The following SAMD5 variants were observed in gnomAD, a reference collection of about 807,000 sequenced individuals.
SAMD5 encodes sterile alpha motif domain-containing protein 5.
In SAMD5, 13 loss-of-function variants were observed where a neutral mutation model predicts 11.3. The observed-to-expected ratio is 1.15, with a 90% CI of 0.75 to 1.83. The LOEUF is 1.83. Among genes scored for constraint, SAMD5 ranks in the 40% most tolerant of loss-of-function variants. The pLI, the probability that SAMD5 is intolerant of heterozygous loss-of-function variation, is 0.00. For missense variants in SAMD5, 255 were observed against 239.1 expected, an observed-to-expected ratio of 1.07 and a Z score of -0.44; for synonymous variants, 129 against 111.3, an observed-to-expected ratio of 1.16 and a Z score of -1.00.
intron 1 of SAMD5, among the ~76,000 whole-genome samples, chr6:147,677,016 T>C (rs1171563615): frequency 4.0e-5 from 6 of 151,816 alleles, no homozygotes; most frequent in African/African-American, 1.5e-4. Context: ...ATTTTCTTTC[T>C]TAAAGAAAGA....
chr6:147,589,936 A>G (rs1487638912), intron 1 of SAMD5, among the ~76,000 whole-genome samples: 1 of 152,166 alleles, frequency 6.6e-6, no homozygotes, highest in African/African-American at 2.4e-5. Flanking sequence ...TATTCTAAAT[A>G]TGTGCATACA....
intron 1 of SAMD5, among the ~76,000 whole-genome samples, chr6:147,659,395 C>G (rs902144352): frequency 6.6e-6 from 1 of 151,852 alleles, no homozygotes; most frequent in African/African-American, 2.4e-5. Flanking sequence ...CAAGATTCCT[C>G]AAAAGAATAT....
chr6:147,627,733 C>G (rs937101155), intron 1 of SAMD5, among the ~76,000 whole-genome samples: 1 of 152,090 alleles, frequency 6.6e-6, no homozygotes, highest in Admixed American at 6.6e-5. Context: ...AGTAAATCTG[C>G]AGTGAAAATT....
intron 1 of SAMD5, among the ~76,000 whole-genome samples, chr6:147,533,462 C>CA (rs57455955): frequency 0.19 from 16,957 of 89,180 alleles, 1,340 homozygotes; most frequent in East Asian, 0.31. Context: ...AATTCCATCT[C>CA]AAAAAAAAAA....
intron 1 of SAMD5, among the ~76,000 whole-genome samples, chr6:147,540,036 C>T (rs1788574796): frequency 6.6e-6 from 1 of 152,124 alleles, no homozygotes; most frequent in African/African-American, 2.4e-5. Context: ...TATAACTTAA[C>T]CATGGACACA....
chr6:147,861,342 C>CT, the SAMD5 span, among the ~76,000 whole-genome samples: 3 of 151,684 alleles, frequency 2.0e-5, no homozygotes, highest in African/African-American at 7.2e-5. Flanking sequence ...TTTTTTGTAT[C>CT]TTTGCTAGAG....
the SAMD5 span, among the ~76,000 whole-genome samples, chr6:147,918,799 G>C: frequency 6.8e-6 from 1 of 147,898 alleles, no homozygotes; most frequent in Admixed American, 7.0e-5. Flanking sequence ...CTGGGTTCAA[G>C]CAGTTCTCCT....
the SAMD5 span, among the ~76,000 whole-genome samples, chr6:147,944,937 A>G: frequency 6.6e-6 from 1 of 152,138 alleles, no homozygotes; most frequent in Non-Finnish European, 1.5e-5. Flanking sequence ...ATCTTCACAT[A>G]GATTTCTCCC....
the SAMD5 span, among the ~76,000 whole-genome samples, chr6:147,754,846 C>A: frequency 6.6e-6 from 1 of 151,866 alleles, no homozygotes; most frequent in Non-Finnish European, 1.5e-5. Flanking sequence ...GTCCTGGACA[C>A]CTTTATAAAA....
the SAMD5 span, among the ~76,000 whole-genome samples, chr6:147,844,708 A>G: frequency 6.6e-6 from 1 of 152,244 alleles, no homozygotes; most frequent in East Asian, 1.9e-4. Flanking sequence ...TTGTGGCAAC[A>G]TGGATGAGCC....
At chr6:147,910,625 C>A in the SAMD5 span, among the ~76,000 whole-genome samples, 1 of 152,072 alleles carries the variant, frequency 6.6e-6, no homozygotes, top group Non-Finnish European at 1.5e-5. Flanking sequence ...CATATGTGTC[C>A]AGGCTGCGAA....
intron 1 of SAMD5, among the ~76,000 whole-genome samples, chr6:147,592,052 C>T (rs1378323063): frequency 6.6e-6 from 1 of 152,150 alleles, no homozygotes; most frequent in African/African-American, 2.4e-5. Flanking sequence ...GAGGCCCTGA[C>T]ATGCCTCATC....
At chr6:147,644,828 C>T (rs1274846113) in intron 1 of SAMD5, among the ~76,000 whole-genome samples, 3 of 152,152 alleles carry the variant, frequency 2.0e-5, no homozygotes, top group Non-Finnish European at 4.4e-5. Context: ...TCCAAATCAT[C>T]ACAAGAGACA....
chr6:147,716,167 G>A (rs1791463866), intron 1 of SAMD5, among the ~76,000 whole-genome samples: 1 of 152,198 alleles, frequency 6.6e-6, no homozygotes, highest in African/African-American at 2.4e-5. Flanking sequence ...GCCAGCATGG[G>A]TTGCCCTTAG....
intron 1 of SAMD5, among the ~76,000 whole-genome samples, chr6:147,588,701 T>C (rs1441655428): frequency 6.6e-6 from 1 of 152,086 alleles, no homozygotes; most frequent in Non-Finnish European, 1.5e-5. Flanking sequence ...AATTTTGAAA[T>C]AGCTTTTGGA....
At chr6:147,833,144 G>C in the SAMD5 span, among the ~76,000 whole-genome samples, 2 of 152,204 alleles carry the variant, frequency 1.3e-5, no homozygotes, top group East Asian at 3.8e-4. Flanking sequence ...GAGACCTCCT[G>C]TAACTTTGTA....
At chr6:147,745,004 TATAAG>T in the SAMD5 span, among the ~76,000 whole-genome samples, 1 of 152,068 alleles carries the variant, frequency 6.6e-6, no homozygotes, top group African/African-American at 2.4e-5. Context: ...CAAGAACAAT[TATAAG>T]ATGGTAGAGA....
chr6:147,597,865 C>A (rs371950846), intron 1 of SAMD5, among the ~76,000 whole-genome samples: 2 of 152,284 alleles, frequency 1.3e-5, no homozygotes, highest in Admixed American at 6.5e-5. Context: ...CTGGGCATGA[C>A]TGACCCATCC....
the SAMD5 span, among the ~76,000 whole-genome samples, chr6:147,903,085 A>G: frequency 1.4e-4 from 22 of 152,332 alleles, no homozygotes; most frequent in African/African-American, 2.4e-4. Flanking sequence ...TATTTCCTCT[A>G]TGAGGTCAGG....
Sources: allele counts gnomAD v4.1 joint callset (sites outside exome capture counted in the v4.1 genomes callset), GRCh38; gene constraint gnomAD v4.1.1; transcripts MANE v1.5; gene names NCBI Gene and HGNC (gene_info 2026-07-23, HGNC 2026-07-21).